DCLK1: variants seen among roughly 807,000 people sequenced by gnomAD.
DCLK1 encodes serine/threonine-protein kinase DCLK1.
Under a neutral mutation model 86.2 loss-of-function variants are expected in DCLK1, and 16 were observed. The observed-to-expected ratio is 0.19, with a 90% confidence interval of 0.13 to 0.28. The LOEUF (loss-of-function observed/expected upper bound fraction) is 0.28. DCLK1 is among the 10% of genes least tolerant of loss of function. The pLI, the probability that DCLK1 is intolerant of heterozygous loss-of-function variation, is 1.00. For synonymous variants in DCLK1, 369 were observed against 370.5 expected, an observed-to-expected ratio of 1.00 and a Z score of 0.05; for missense variants, 590 against 940.2, an observed-to-expected ratio of 0.63 and a Z score of 4.87.
intron 3 of DCLK1, among the ~76,000 whole-genome samples, chr13:36,042,076 AGCTTT>A (rs1490278148): frequency 6.6e-6 from 1 of 152,134 alleles, no homozygotes; most frequent in African/African-American, 2.4e-5. Flanking sequence ...GTAAAGCCAG[AGCTTT>A]GCTTCAGTGG....
intron 4 of DCLK1, among the ~76,000 whole-genome samples, chr13:35,879,382 G>T (rs1872757712): frequency 6.6e-6 from 1 of 152,176 alleles, no homozygotes; most frequent in Non-Finnish European, 1.5e-5. Context: ...ATCTGCAGAA[G>T]GCTTTATGGC....
chr13:36,084,716 C>T (rs1319463900), intron 3 of DCLK1, among the ~76,000 whole-genome samples: 1 of 152,124 alleles, frequency 6.6e-6, no homozygotes, highest in Non-Finnish European at 1.5e-5. Context: ...CCGTATGTCA[C>T]ATTAAGAGAA....
chr13:35,802,237 C>T (rs369728779), intron 15 of DCLK1, among the ~76,000 whole-genome samples: 19 of 150,624 alleles, frequency 1.3e-4, no homozygotes, highest in African/African-American at 3.9e-4. Context: ...GAGGCTGAGG[C>T]GGGAGGATTG....
intron 3 of DCLK1, among the ~76,000 whole-genome samples, chr13:35,958,124 T>TACCACTACTGTAACCATCACCACC (rs1566620558): frequency 1.8e-3 from 2 of 1,114 alleles, no homozygotes; most frequent in African/African-American, 2.3e-3. Flanking sequence ...CCACCACCAC[T>TACCACTACTGTAACCATCACCACC]ACCACTACTA....
chr13:35,955,281 T>C (rs1877918166), intron 3 of DCLK1, among the ~76,000 whole-genome samples: 1 of 152,082 alleles, frequency 6.6e-6, no homozygotes, highest in African/African-American at 2.4e-5. Context: ...AAAAATATCC[T>C]AGACTGGGTG....
intron 3 of DCLK1, among the ~76,000 whole-genome samples, chr13:35,994,590 G>A (rs182304712): frequency 6.6e-5 from 10 of 152,294 alleles, no homozygotes; most frequent in Admixed American, 5.2e-4. Context: ...GAGGTTGTCT[G>A]TTCTTTTTAG....
intron 11 of DCLK1, among the ~76,000 whole-genome samples, chr13:35,811,196 T>C (rs2153103010): frequency 6.6e-6 from 1 of 152,330 alleles, no homozygotes; most frequent in East Asian, 1.9e-4. Flanking sequence ...AAATAAATTA[T>C]AGTACATTCA....
At chr13:35,927,461 C>G (rs960819332) in intron 4 of DCLK1, among the ~76,000 whole-genome samples, 1 of 152,198 alleles carries the variant, frequency 6.6e-6, no homozygotes, top group Non-Finnish European at 1.5e-5. Context: ...TGCAAAGATC[C>G]AAAGTCTCTG....
intron 16 of DCLK1, among the ~76,000 whole-genome samples, chr13:35,792,058 T>C (rs909129290): frequency 6.6e-6 from 1 of 152,246 alleles, no homozygotes; most frequent in African/African-American, 2.4e-5. Flanking sequence ...TTAATTTACT[T>C]CTACATTGAA....
chr13:35,909,436 A>T (rs1874872875), intron 4 of DCLK1, among the ~76,000 whole-genome samples: 1 of 152,148 alleles, frequency 6.6e-6, no homozygotes, highest in Non-Finnish European at 1.5e-5. Flanking sequence ...GTATGACATT[A>T]AGCAACTTAC....
chr13:35,968,972 G>A (rs1049691130), intron 3 of DCLK1, among the ~76,000 whole-genome samples: 45 of 152,286 alleles, frequency 3.0e-4, no homozygotes, highest in Non-Finnish European at 5.6e-4. Context: ...CTCATCTACA[G>A]TTCAAAACGA....
At chr13:36,047,471 A>G (rs1882959074) in intron 3 of DCLK1, among the ~76,000 whole-genome samples, 1 of 152,192 alleles carries the variant, frequency 6.6e-6, no homozygotes, top group Non-Finnish European at 1.5e-5. Context: ...CATAGTATAT[A>G]TATCTGCATG....
intron 4 of DCLK1, among the ~76,000 whole-genome samples, chr13:35,935,124 T>C (rs1876684231): frequency 1.3e-5 from 2 of 152,074 alleles, no homozygotes; most frequent in Non-Finnish European, 2.9e-5. Flanking sequence ...TGAGGCAATA[T>C]GAGCAAAAGC....
At chr13:36,044,519 A>G (rs572187793) in intron 3 of DCLK1, among the ~76,000 whole-genome samples, 157 of 152,326 alleles carry the variant, frequency 1.0e-3, no homozygotes, top group African/African-American at 3.7e-3. Context: ...TACATTTAAG[A>G]ATATGGAAAT....
chr13:35,972,066 A>T (rs778248759), intron 3 of DCLK1, among the ~76,000 whole-genome samples: 1 of 152,082 alleles, frequency 6.6e-6, no homozygotes, highest in Non-Finnish European at 1.5e-5. Context: ...TTGATTGGTG[A>T]CCACAGACTT....
intron 3 of DCLK1, among the ~76,000 whole-genome samples, chr13:36,032,973 G>T (rs547430829): frequency 2.6e-5 from 4 of 152,286 alleles, no homozygotes; most frequent in African/African-American, 9.6e-5. Flanking sequence ...GGCAGTAGCT[G>T]GGACCTAGTA....
chr13:36,119,099 G>A (rs577377545), intron 2 of DCLK1, among the ~76,000 whole-genome samples: 1 of 152,292 alleles, frequency 6.6e-6, no homozygotes, highest in South Asian at 2.1e-4. Flanking sequence ...GCTGGAACAT[G>A]AGAGAAAGAA....
chr13:35,821,654 A>ATATATATATAAATATATG (rs2087395418), intron 11 of DCLK1, among the ~76,000 whole-genome samples: 1 of 122,248 alleles, frequency 8.2e-6, no homozygotes, highest in Non-Finnish European at 1.6e-5. Context: ...TTGGGAAAAG[A>ATATATATATAAATATATG]TATATATATA....
At chr13:35,788,054 G>T (rs951662054) in intron 16 of DCLK1, 66 of 718,708 alleles carry the variant, frequency 9.2e-5, no homozygotes, top group Non-Finnish European at 1.6e-4. Context: ...GAATGAGGGG[G>T]TGTGGCATCT....
Sources: gnomAD v4.1 joint callset for allele counts (sites outside exome capture counted in the v4.1 genomes callset) on GRCh38, gnomAD v4.1.1 for gene constraint, MANE v1.5 for transcripts, NCBI Gene and HGNC (gene_info 2026-07-23, HGNC 2026-07-21) for gene names.